Variants in CEP128 observed in about 807,000 individuals in gnomAD.
CEP128 encodes centrosomal protein 128kDa.
Under a neutral mutation model 156.7 loss-of-function variants are expected in CEP128, and 132 were observed. The ratio of observed to expected loss-of-function variants is 0.84; its 90% CI spans 0.73 to 0.97. The LOEUF is 0.97. CEP128 is among the 50% of genes least tolerant of loss of function. The probability of loss-of-function intolerance (pLI) is 0.00; values close to 1 mark genes in which losing one functional copy is unlikely to be tolerated. For missense variants in CEP128, 1,252 were observed against 1,281.9 expected, an observed-to-expected ratio of 0.98 and a Z score of 0.36; for synonymous variants, 469 against 448.9, an observed-to-expected ratio of 1.04 and a Z score of -0.57.
At chr14:80,921,961 C>CAA (rs369072626) in intron 2 of CEP128, among the ~76,000 whole-genome samples, 11 of 131,284 alleles carry the variant, frequency 8.4e-5, no homozygotes, top group African/African-American at 1.4e-4. Context: ...GACTCCATCC[C>CAA]AAAAAAAAAA....
intron 4 of CEP128, 98 bp from the exon 5 acceptor site, chr14:80,906,179 G>A: frequency 1.1e-6 from 1 of 926,788 alleles, no homozygotes; most frequent in Non-Finnish European, 1.5e-6. Flanking sequence ...TGAAATATCT[G>A]GGTTCCCCCC....
intron 19 of CEP128, among the ~76,000 whole-genome samples, chr14:80,719,009 T>G (rs528031264): frequency 6.6e-6 from 1 of 152,192 alleles, no homozygotes; most frequent in Non-Finnish European, 1.5e-5. Context: ...GACTTGTTAC[T>G]CTGTCAGGAT....
At chr14:80,880,146 T>A (rs1455976681) in intron 8 of CEP128, among the ~76,000 whole-genome samples, 2 of 152,108 alleles carry the variant, frequency 1.3e-5, no homozygotes, top group Non-Finnish European at 2.9e-5. Context: ...CAGATAAGAT[T>A]TATTCCTGGC....
chr14:80,528,114 C>G (rs917081939), intron 22 of CEP128, among the ~76,000 whole-genome samples: 4 of 152,002 alleles, frequency 2.6e-5, no homozygotes, highest in Non-Finnish European at 4.4e-5. Context: ...AGTTCTCATG[C>G]TTAGTACAAA....
chr14:80,607,055 G>T (rs1892811995), intron 19 of CEP128, among the ~76,000 whole-genome samples: 1 of 151,036 alleles, frequency 6.6e-6, no homozygotes, highest in South Asian at 2.1e-4. Context: ...ATACATATAT[G>T]TACATATATG....
intron 19 of CEP128, among the ~76,000 whole-genome samples, chr14:80,634,428 G>T (rs184704128): frequency 5.7e-4 from 87 of 152,278 alleles, no homozygotes; most frequent in Non-Finnish European, 8.2e-4. Context: ...TAAAAGTTTT[G>T]AAAGTGGTAC....
At chr14:80,872,110 T>G (rs1285020263) in intron 8 of CEP128, among the ~76,000 whole-genome samples, 4 of 152,164 alleles carry the variant, frequency 2.6e-5, no homozygotes, top group Admixed American at 2.6e-4. Flanking sequence ...ATTTTTATTT[T>G]TAATAGTGAT....
chr14:80,839,768 T>C (rs1886263100), intron 10 of CEP128, among the ~76,000 whole-genome samples: 1 of 152,032 alleles, frequency 6.6e-6, no homozygotes, highest in Non-Finnish European at 1.5e-5. Flanking sequence ...ATGTGGCTCA[T>C]AAAACAAATG....
At chr14:80,788,288 CTTTTTTT>C (rs10628361) in intron 14 of CEP128, among the ~76,000 whole-genome samples, 3 of 97,256 alleles carry the variant, frequency 3.1e-5, no homozygotes, top group South Asian at 4.6e-4. Flanking sequence ...TGGCCAGGAT[CTTTTTTT>C]TTTTTTTTTT....
chr14:80,576,363 A>ATAGT, intron 20 of CEP128, among the ~76,000 whole-genome samples: 1 of 152,210 alleles, frequency 6.6e-6, no homozygotes, highest in Non-Finnish European at 1.5e-5. Flanking sequence ...ATAGTCAAAG[A>ATAGT]CAATACTTTA....
chr14:80,564,103 T>C (rs1165308212), intron 20 of CEP128, among the ~76,000 whole-genome samples: 1 of 152,194 alleles, frequency 6.6e-6, no homozygotes, highest in African/African-American at 2.4e-5. Context: ...AAAAGAGTTT[T>C]CTGGGAAAAA....
At chr14:80,570,549 G>T (rs1467125418) in intron 20 of CEP128, among the ~76,000 whole-genome samples, 3 of 152,134 alleles carry the variant, frequency 2.0e-5, no homozygotes, top group Admixed American at 6.5e-5. Flanking sequence ...TAAATGTAGG[G>T]GGTCGGGGAG....
At chr14:80,782,845 T>A (rs904827055) in intron 15 of CEP128, among the ~76,000 whole-genome samples, 3 of 152,224 alleles carry the variant, frequency 2.0e-5, no homozygotes, top group African/African-American at 7.2e-5. Context: ...ATGTCTTACC[T>A]GGGTTTCCAA....
chr14:80,925,351 T>C (rs1310578060), intron 2 of CEP128, among the ~76,000 whole-genome samples: 2 of 151,358 alleles, frequency 1.3e-5, no homozygotes, highest in South Asian at 2.1e-4. Flanking sequence ...AGAAGAAACA[T>C]GAGAAGTAGG....
At chr14:80,578,437 A>T (rs1024988676) in intron 20 of CEP128, among the ~76,000 whole-genome samples, 1 of 152,218 alleles carries the variant, frequency 6.6e-6, no homozygotes, top group Non-Finnish European at 1.5e-5. Context: ...AATTGACTCC[A>T]ATTTGGATAC....
intron 14 of CEP128, among the ~76,000 whole-genome samples, chr14:80,789,038 A>C (rs1322369368): frequency 6.6e-6 from 1 of 152,148 alleles, no homozygotes; most frequent in Non-Finnish European, 1.5e-5. Flanking sequence ...ATGGAACCCA[A>C]CTGATATTTC....
intron 23 of CEP128, among the ~76,000 whole-genome samples, chr14:80,505,687 C>T (rs1887938088): frequency 6.6e-6 from 1 of 152,192 alleles, no homozygotes; most frequent in African/African-American, 2.4e-5. Flanking sequence ...TCCTTCTCCA[C>T]TTCTTTCAGC....
intron 13 of CEP128, among the ~76,000 whole-genome samples, chr14:80,811,675 A>ATGTG (rs1491482607): frequency 4.2e-4 from 44 of 105,932 alleles, no homozygotes; most frequent in Non-Finnish European, 6.9e-4. Flanking sequence ...GTGTACAGAC[A>ATGTG]TATGTGTGTG....
upstream of CEP128, among the ~76,000 whole-genome samples, chr14:80,943,386 C>T (rs932131062): frequency 6.6e-6 from 1 of 152,168 alleles, no homozygotes; most frequent in South Asian, 2.1e-4. Flanking sequence ...ATCAGATCAA[C>T]TGCAGGAGAA....
Sources: gnomAD v4.1 joint callset for allele counts (sites outside exome capture counted in the v4.1 genomes callset) on GRCh38, gnomAD v4.1.1 for gene constraint, MANE v1.5 for transcripts, NCBI Gene and HGNC (gene_info 2026-07-23, HGNC 2026-07-21) for gene names.